RNF150: variants seen among roughly 807,000 people sequenced by gnomAD.
RNF150 encodes the protein ring finger protein 150.
In RNF150, 24 loss-of-function variants were observed where a neutral mutation model predicts 39.3. That is an observed-to-expected ratio of 0.61 (90% CI 0.44 to 0.86). The LOEUF (loss-of-function observed/expected upper bound fraction) is 0.86. RNF150 is among the 40% of genes least tolerant of loss of function. The pLI, the probability that RNF150 is intolerant of heterozygous loss-of-function variation, is 0.00. For missense variants in RNF150, 502 were observed against 587.8 expected, an observed-to-expected ratio of 0.85 and a Z score of 1.51; for synonymous variants, 255 against 227.3, an observed-to-expected ratio of 1.12 and a Z score of -1.10.
chr4:141,106,806 T>C (rs1442151110), intron 1 of RNF150, among the ~76,000 whole-genome samples: 1 of 151,718 alleles, frequency 6.6e-6, no homozygotes, highest in African/African-American at 2.4e-5. Context: ...AAAAAAATAA[T>C]ATATATATAT....
At chr4:140,922,949 C>A (rs1404233500) in intron 5 of RNF150, among the ~76,000 whole-genome samples, 1 of 150,800 alleles carries the variant, frequency 6.6e-6, no homozygotes, top group Non-Finnish European at 1.5e-5. Flanking sequence ...CCCTTCCTTA[C>A]ACCTTATACA....
intron 1 of RNF150, among the ~76,000 whole-genome samples, chr4:141,123,987 T>C (rs979779074): frequency 2.6e-5 from 4 of 152,152 alleles, no homozygotes; most frequent in Admixed American, 6.5e-5. Context: ...GTCTTTGCTA[T>C]TGTGAATAGT....
upstream of RNF150, among the ~76,000 whole-genome samples, chr4:141,136,244 A>T (rs796325522): frequency 6.6e-6 from 1 of 152,276 alleles, no homozygotes; most frequent in Non-Finnish European, 1.5e-5. Context: ...CCTGACTTGG[A>T]TATTTATATT....
chr4:141,088,023 G>A (rs1165122394), intron 1 of RNF150, among the ~76,000 whole-genome samples: 1 of 152,124 alleles, frequency 6.6e-6, no homozygotes, highest in East Asian at 1.9e-4. Context: ...GTCCACCAGA[G>A]TAGGTTTTCA....
chr4:141,139,349 A>C (rs940721863), intron 1 of RNF150, among the ~76,000 whole-genome samples: 1 of 152,270 alleles, frequency 6.6e-6, no homozygotes, highest in Non-Finnish European at 1.5e-5. Context: ...CGACAGATGT[A>C]ATCATCTAGG....
At chr4:140,876,686 T>C (rs190102190) in intron 6 of RNF150, among the ~76,000 whole-genome samples, 97 of 152,296 alleles carry the variant, frequency 6.4e-4, no homozygotes, top group African/African-American at 2.2e-3. Flanking sequence ...GGTGAGCACA[T>C]AGAAGATGGA....
At chr4:140,929,272 T>C (rs554501924) in intron 4 of RNF150, among the ~76,000 whole-genome samples, 2 of 151,552 alleles carry the variant, frequency 1.3e-5, no homozygotes, top group African/African-American at 4.9e-5. Context: ...GAGTCTCTGA[T>C]CCACAGACAC....
chr4:141,190,663 TC>T (rs1183693539), intron 1 of RNF150, among the ~76,000 whole-genome samples: 1 of 152,120 alleles, frequency 6.6e-6, no homozygotes, highest in African/African-American at 2.4e-5. Flanking sequence ...CCACAAAAAC[TC>T]CCAGAAAATA....
At chr4:141,202,767 A>C (rs1465715115) in intron 1 of RNF150, among the ~76,000 whole-genome samples, 1 of 151,862 alleles carries the variant, frequency 6.6e-6, no homozygotes, top group Admixed American at 6.6e-5. Context: ...GGAAAAATGG[A>C]AAGTTATTCA....
intron 1 of RNF150, among the ~76,000 whole-genome samples, chr4:140,977,443 C>T (rs540944216): frequency 1.3e-5 from 2 of 152,144 alleles, no homozygotes; most frequent in South Asian, 4.2e-4. Flanking sequence ...ACGAAAATTC[C>T]AAGAAGAGAG....
At chr4:140,917,177 A>G (rs1306827117) in intron 5 of RNF150, among the ~76,000 whole-genome samples, 1 of 152,214 alleles carries the variant, frequency 6.6e-6, no homozygotes, top group Non-Finnish European at 1.5e-5. Flanking sequence ...AACAGGATCA[A>G]ATTCACACAT....
intron 6 of RNF150, among the ~76,000 whole-genome samples, chr4:140,903,954 G>GC (rs1730282060): frequency 6.6e-6 from 1 of 152,220 alleles, no homozygotes; most frequent in African/African-American, 2.4e-5. Context: ...AGACAGGAAA[G>GC]CCCTGGCAGT....
chr4:140,908,817 A>G (rs1730487799), intron 6 of RNF150, among the ~76,000 whole-genome samples: 1 of 152,122 alleles, frequency 6.6e-6, no homozygotes, highest in Non-Finnish European at 1.5e-5. Context: ...ATGCTTTCTC[A>G]GTTGTCATCT....
intron 1 of RNF150, among the ~76,000 whole-genome samples, chr4:141,085,920 A>G (rs1023213910): frequency 1.2e-4 from 19 of 152,140 alleles, no homozygotes; most frequent in African/African-American, 4.6e-4. Context: ...ATGCCATTTC[A>G]GTGGGAGGAG....
chr4:140,920,393 T>G (rs1731063942), intron 5 of RNF150, among the ~76,000 whole-genome samples: 1 of 147,418 alleles, frequency 6.8e-6, no homozygotes, highest in Non-Finnish European at 1.5e-5. Context: ...GAACAGACAC[T>G]TCTCAAAAGA....
At chr4:140,959,977 A>G (rs1360863680) in intron 2 of RNF150, among the ~76,000 whole-genome samples, 2 of 152,058 alleles carry the variant, frequency 1.3e-5, no homozygotes, top group African/African-American at 2.4e-5. Context: ...TATTCTGATG[A>G]TCCCCCACAT....
At chr4:141,071,763 T>C (rs1176455106) in intron 1 of RNF150, among the ~76,000 whole-genome samples, 1 of 152,168 alleles carries the variant, frequency 6.6e-6, no homozygotes, top group Non-Finnish European at 1.5e-5. Context: ...TCAAAAGAGA[T>C]AATGATGGGA....
intron 1 of RNF150, among the ~76,000 whole-genome samples, chr4:141,035,783 C>T (rs573593003): frequency 4.9e-4 from 75 of 152,198 alleles, no homozygotes; most frequent in African/African-American, 1.8e-3. Context: ...AAAGATTGTT[C>T]AAGATACTTT....
chr4:141,038,381 C>T (rs1736227616), intron 1 of RNF150, among the ~76,000 whole-genome samples: 1 of 151,962 alleles, frequency 6.6e-6, no homozygotes, highest in Admixed American at 6.6e-5. Flanking sequence ...TTCTGGGCGT[C>T]GAGTAATAGA....
Sources: gnomAD v4.1 joint callset for allele counts (sites outside exome capture counted in the v4.1 genomes callset) on GRCh38, gnomAD v4.1.1 for gene constraint, MANE v1.5 for transcripts, NCBI Gene and HGNC (gene_info 2026-07-23, HGNC 2026-07-21) for gene names.